The following ROBO2 variants were observed in gnomAD, a reference collection of about 807,000 sequenced individuals.
ROBO2 encodes the protein roundabout homolog 2.
ROBO2 carries 53 observed loss-of-function variants against 160.8 expected under a neutral mutation model. The ratio of observed to expected loss-of-function variants is 0.33; its 90% CI spans 0.26 to 0.41. The LOEUF is 0.41. Among genes scored for constraint, ROBO2 ranks in the 10% least tolerant of loss-of-function variants. ROBO2 has a pLI of 1.00. For synonymous variants in ROBO2, 664 were observed against 611.7 expected, an observed-to-expected ratio of 1.09 and a Z score of -1.26; for missense variants, 1,577 against 1,722.4, an observed-to-expected ratio of 0.92 and a Z score of 1.49.
intron 2 of ROBO2, among the ~76,000 whole-genome samples, chr3:76,475,696 T>C (rs918363959): frequency 3.3e-5 from 5 of 152,186 alleles, no homozygotes; most frequent in African/African-American, 9.7e-5. Flanking sequence ...GCTGATTTTA[T>C]TCTAAGAAGA....
At chr3:76,209,717 A>C (rs796164789) in intron 2 of ROBO2, among the ~76,000 whole-genome samples, 21 of 152,170 alleles carry the variant, frequency 1.4e-4, no homozygotes, top group South Asian at 2.1e-4. Context: ...AGCAGTGTAA[A>C]AAGATGTGTC....
At chr3:77,090,317 A>G (rs1409835240) in intron 1 of ROBO2, among the ~76,000 whole-genome samples, 1 of 113,826 alleles carries the variant, frequency 8.8e-6, no homozygotes, top group Non-Finnish European at 1.9e-5. Context: ...AATCTTCTAA[A>G]CCACTCTTTT....
intron 2 of ROBO2, among the ~76,000 whole-genome samples, chr3:77,373,848 G>A (rs1240412994): frequency 6.9e-6 from 1 of 144,010 alleles, no homozygotes; most frequent in Non-Finnish European, 1.5e-5. Flanking sequence ...TTATAGAGCA[G>A]CCTCAACACC....
intron 2 of ROBO2, among the ~76,000 whole-genome samples, chr3:76,082,135 G>A (rs565779781): frequency 5.9e-5 from 9 of 152,160 alleles, no homozygotes; most frequent in Middle Eastern, 3.4e-3. Context: ...CGCCCTAAAG[G>A]TAGACTGATG....
intron 2 of ROBO2, among the ~76,000 whole-genome samples, chr3:76,272,857 A>ATT (rs1707589431): frequency 3.4e-5 from 3 of 87,292 alleles, no homozygotes; most frequent in African/African-American, 9.9e-5. Flanking sequence ...TTATATATAA[A>ATT]ATATATAAAA....
At chr3:76,997,186 C>T (rs2061064417) in intron 2 of ROBO2, among the ~76,000 whole-genome samples, 1 of 152,014 alleles carries the variant, frequency 6.6e-6, no homozygotes, top group Admixed American at 6.6e-5. Context: ...GCATGAAAAA[C>T]ACAAATCACA....
chr3:76,346,058 C>T (rs940872960), intron 2 of ROBO2, among the ~76,000 whole-genome samples: 15 of 152,134 alleles, frequency 9.9e-5, no homozygotes, highest in African/African-American at 3.4e-4. Flanking sequence ...CAGTTAGCTC[C>T]GGCTTTGATC....
chr3:76,778,210 A>G lies in ROBO2; in HGVS notation c.110-319804A>G, dbSNP rs113760208. ...ATGTCCCTGATTGTATGTGTATCAG[A>G]TAGAGAAAAAGGCTCACTTCACATA... On this transcript the variant is annotated intron_variant, in intron 2 of 26. Transcript: ENST00000487694. Among the ~76,000 whole-genome samples, 1,084 of 151,198 alleles carry G rather than the reference A, an allele frequency of 7.2e-3. 9 individuals carry two copies. The highest frequency in any genetic ancestry group is 0.025 in the African/African-American group (1,044 of 41,396).
intron 2 of ROBO2, among the ~76,000 whole-genome samples, chr3:76,845,686 A>G (rs904288703): frequency 1.3e-5 from 2 of 151,952 alleles, no homozygotes; most frequent in Non-Finnish European, 2.9e-5. Flanking sequence ...AGTGCTTTAT[A>G]CTTTCTTCAA....
intron 2 of ROBO2, among the ~76,000 whole-genome samples, chr3:76,843,366 C>G (rs2068477957): frequency 6.6e-6 from 1 of 151,766 alleles, no homozygotes; most frequent in East Asian, 1.9e-4. Context: ...ATTAGTGCAT[C>G]AATTACATTG....
chr3:77,193,766 A>T (rs1467278571), intron 2 of ROBO2, among the ~76,000 whole-genome samples: 3 of 152,024 alleles, frequency 2.0e-5, no homozygotes, highest in Non-Finnish European at 4.4e-5. Flanking sequence ...GTTCTGACTG[A>T]TGCAAAACCC....
intron 15 of ROBO2, 80 bp downstream of exon 16, chr3:77,577,694 TC>T (rs2093805687): frequency 8.1e-6 from 12 of 1,490,108 alleles, no homozygotes; most frequent in Admixed American, 1.7e-5. Flanking sequence ...GAGACACATC[TC>T]TAAAGGTTCT....
At chr3:76,970,724 C>T (rs575349986) in intron 2 of ROBO2, among the ~76,000 whole-genome samples, 51 of 152,306 alleles carry the variant, frequency 3.3e-4, no homozygotes, top group South Asian at 8.3e-4. Context: ...AAACCAATAG[C>T]ATCTCACTAA....
chr3:77,404,953 C>A (rs1342956068), intron 2 of ROBO2, among the ~76,000 whole-genome samples: 1 of 152,174 alleles, frequency 6.6e-6, no homozygotes, highest in East Asian at 1.9e-4. Context: ...CTCTCCCCAA[C>A]TGATGTTGTT....
intron 2 of ROBO2, among the ~76,000 whole-genome samples, chr3:76,192,815 A>T (rs1702078652): frequency 6.6e-6 from 1 of 152,110 alleles, no homozygotes; most frequent in African/African-American, 2.4e-5. Context: ...ATCTCTCTAC[A>T]GCTTTACTCT....
At chr3:76,365,945 C>T (rs2075791360) in intron 2 of ROBO2, among the ~76,000 whole-genome samples, 1 of 152,056 alleles carries the variant, frequency 6.6e-6, no homozygotes, top group African/African-American at 2.4e-5. Context: ...TCCCGAGAAT[C>T]AGTCTCAAAG....
At chr3:76,669,118 C>T (rs2092166011) in intron 2 of ROBO2, among the ~76,000 whole-genome samples, 1 of 152,130 alleles carries the variant, frequency 6.6e-6, no homozygotes, top group East Asian at 1.9e-4. Context: ...TCTGACCCTA[C>T]GGAATGGGAA....
At chr3:76,211,548 A>G (rs2107322391) in intron 2 of ROBO2, among the ~76,000 whole-genome samples, 1 of 152,234 alleles carries the variant, frequency 6.6e-6, no homozygotes, top group East Asian at 1.9e-4. Flanking sequence ...TGGGAGAAAC[A>G]TGTTCATTTT....
chr3:76,407,697 G>A (rs2075280321), intron 2 of ROBO2, among the ~76,000 whole-genome samples: 1 of 151,946 alleles, frequency 6.6e-6, no homozygotes, highest in Non-Finnish European at 1.5e-5. Flanking sequence ...CTGGAATTAT[G>A]TTTAATTATT....
Sources: gnomAD v4.1 joint callset for allele counts (sites outside exome capture counted in the v4.1 genomes callset) on GRCh38, gnomAD v4.1.1 for gene constraint, MANE v1.5 for transcripts, NCBI Gene and HGNC (gene_info 2026-07-23, HGNC 2026-07-21) for gene names.